Variants in SCAI observed in about 807,000 individuals in gnomAD.
The protein encoded by SCAI is suppressor of cancer cell invasion, also known as protein SCAI.
Under a neutral mutation model 92.2 loss-of-function variants are expected in SCAI, and 24 were observed. That is an observed-to-expected ratio of 0.26 (90% confidence interval 0.19 to 0.37). The LOEUF is 0.37. Among genes scored for constraint, SCAI ranks in the 10% least tolerant of loss-of-function variants. SCAI has a pLI of 1.00. For missense variants in SCAI, 450 were observed against 736.2 expected, an observed-to-expected ratio of 0.61 and a Z score of 4.50; for synonymous variants, 261 against 258.6, an observed-to-expected ratio of 1.01 and a Z score of -0.09.
At chr9:124,959,297 A>AC (rs1301905803) in intron 17 of SCAI, among the ~76,000 whole-genome samples, 2 of 151,102 alleles carry the variant, frequency 1.3e-5, no homozygotes, top group Admixed American at 1.3e-4. Flanking sequence ...CAAATGAAAA[A>AC]AAAAAAAGAA....
At position 124,959,146 on chromosome 9, in the gene SCAI, T is replaced by C. The variant is rs562978714; in HGVS notation, c.1675-6193A>G. On this transcript the variant is annotated intron_variant, in intron 17 of 17. Transcript: ENST00000336505. ...ATGGGAGGGATAGCATTAGGAGATA[T>C]ACCTAATGCTAAATGACGAGTTAAT... Among the ~76,000 whole-genome samples the C allele has an allele frequency of 1.2e-3, 179 of 151,596 alleles. 1 individual carries two copies. Among genetic ancestry groups the C allele is most frequent in the African/African-American group, 4.3e-3 (176 of 41,382 alleles).
intron 2 of SCAI, among the ~76,000 whole-genome samples, chr9:125,081,067 C>A (rs147663592): frequency 2.7e-4 from 41 of 152,320 alleles, no homozygotes; most frequent in African/African-American, 9.9e-4. Flanking sequence ...GCCTCCCCAG[C>A]CACATGGAAC....
chr9:125,106,125 ATATATATATATATAT>A (rs1834788034), intron 2 of SCAI, among the ~76,000 whole-genome samples: 2 of 82,218 alleles, frequency 2.4e-5, no homozygotes, highest in South Asian at 3.9e-4. Flanking sequence ...AAAAAAAAAT[ATATATATATATATAT>A]ATATATATAT....
intron 4 of SCAI, 110 bp downstream of exon 4, chr9:125,029,534 T>C (rs1415676244): frequency 3.6e-6 from 2 of 549,612 alleles, no homozygotes; most frequent in East Asian, 5.9e-5. Flanking sequence ...GCTTTGTTGG[T>C]GAAAAAAAAG....
intron 2 of SCAI, among the ~76,000 whole-genome samples, chr9:125,061,079 T>G (rs1300935579): frequency 6.6e-6 from 1 of 152,026 alleles, no homozygotes; most frequent in Non-Finnish European, 1.5e-5. Flanking sequence ...AGGCAGATCA[T>G]GAGGTCAGGA....
chr9:125,088,090 C>CTGTTT (rs754066884), intron 2 of SCAI, among the ~76,000 whole-genome samples: 3 of 151,976 alleles, frequency 2.0e-5, no homozygotes, highest in South Asian at 4.1e-4. Context: ...ATGGTCTCAA[C>CTGTTT]TGTTTTGTTT....
intron 14 of SCAI, among the ~76,000 whole-genome samples, chr9:124,990,220 G>T (rs1406194963): frequency 4.6e-5 from 7 of 152,018 alleles, no homozygotes; most frequent in Non-Finnish European, 2.9e-5. Flanking sequence ...TGGGAGCGGT[G>T]GTTCACGCCT....
intron 2 of SCAI, among the ~76,000 whole-genome samples, chr9:125,076,493 A>G (rs1423337250): frequency 1.3e-5 from 2 of 151,990 alleles, no homozygotes; most frequent in Non-Finnish European, 2.9e-5. Context: ...AGGGAGTGAG[A>G]AGCCATCTCA....
At chr9:125,101,189 C>T (rs1053835190) in intron 2 of SCAI, among the ~76,000 whole-genome samples, 2 of 152,092 alleles carry the variant, frequency 1.3e-5, no homozygotes, top group East Asian at 3.8e-4. Flanking sequence ...CACTGAAAAG[C>T]CTTCAGCTTG....
chr9:125,043,251 G>GT (rs1833364109), intron 3 of SCAI, among the ~76,000 whole-genome samples: 1 of 152,084 alleles, frequency 6.6e-6, no homozygotes, highest in Non-Finnish European at 1.5e-5. Flanking sequence ...TCTGAATCAG[G>GT]TTTTCAGTCA....
chr9:125,076,949 G>C (rs1728664067), intron 2 of SCAI, among the ~76,000 whole-genome samples: 1 of 152,154 alleles, frequency 6.6e-6, no homozygotes, highest in Non-Finnish European at 1.5e-5. Context: ...TGATCCACCT[G>C]CCTTGGCCTC....
intron 3 of SCAI, among the ~76,000 whole-genome samples, chr9:125,049,570 G>C (rs75020544): frequency 0.027 from 4,077 of 152,114 alleles, 202 homozygotes; most frequent in African/African-American, 0.091. Context: ...TATTTTTCTG[G>C]ATTATGTTTT....
At chr9:124,993,024 T>C (rs1832166697) in intron 14 of SCAI, among the ~76,000 whole-genome samples, 1 of 152,156 alleles carries the variant, frequency 6.6e-6, no homozygotes, top group Non-Finnish European at 1.5e-5. Flanking sequence ...AACTAATGGA[T>C]TGCTAAAGTA....
At chr9:125,032,023 T>C (rs1277888272) in intron 3 of SCAI, among the ~76,000 whole-genome samples, 1 of 151,802 alleles carries the variant, frequency 6.6e-6, no homozygotes, top group East Asian at 1.9e-4. Flanking sequence ...TTCAACTCTG[T>C]CTCAATCAGT....
At chr9:125,115,501 T>G (rs1835026724) in intron 2 of SCAI, among the ~76,000 whole-genome samples, 1 of 151,394 alleles carries the variant, frequency 6.6e-6, no homozygotes. Flanking sequence ...AACAGTGACA[T>G]AGTCATGTAA....
At chr9:125,042,633 G>GTGTGTGTGTGTGTACA (rs1833341757) in intron 3 of SCAI, among the ~76,000 whole-genome samples, 1 of 80,900 alleles carries the variant, frequency 1.2e-5, no homozygotes, top group South Asian at 4.4e-4. Flanking sequence ...GTGTGTGTGT[G>GTGTGTGTGTGTGTACA]TACACACACA....
chr9:125,094,273 A>G (rs1451374227), intron 2 of SCAI, among the ~76,000 whole-genome samples: 1 of 152,046 alleles, frequency 6.6e-6, no homozygotes, highest in East Asian at 1.9e-4. Context: ...ATTATTCTTC[A>G]TCCTACTATT....
At chr9:125,059,376 G>C (rs1464387922) in intron 2 of SCAI, among the ~76,000 whole-genome samples, 1 of 152,208 alleles carries the variant, frequency 6.6e-6, no homozygotes, top group Non-Finnish European at 1.5e-5. Flanking sequence ...CTGCTGTAAA[G>C]GATGTTATTG....
At chr9:124,997,485 C>T (rs905489964) in intron 13 of SCAI, among the ~76,000 whole-genome samples, 1 of 152,060 alleles carries the variant, frequency 6.6e-6, no homozygotes, top group African/African-American at 2.4e-5. Context: ...AGTTTTAGAC[C>T]AGTCCAGTTT....
Sources: allele counts gnomAD v4.1 joint callset (sites outside exome capture counted in the v4.1 genomes callset), GRCh38; gene constraint gnomAD v4.1.1; transcripts MANE v1.5; gene names NCBI Gene and HGNC (gene_info 2026-07-23, HGNC 2026-07-21).